Variants in LGR6 observed in about 807,000 individuals in gnomAD.
LGR6 encodes leucine-rich repeat-containing G protein-coupled receptor 6.
Under a neutral mutation model 69.4 loss-of-function variants are expected in LGR6, and 45 were observed. The observed-to-expected ratio is 0.65, with a 90% CI of 0.51 to 0.83. LGR6 has a LOEUF of 0.83. Ranked by LOEUF, LGR6 falls within the 40% of genes least tolerant of loss-of-function variation. The probability of loss-of-function intolerance (pLI) is 0.00; values close to 1 mark genes in which losing one functional copy is unlikely to be tolerated. For missense variants in LGR6, 1,108 were observed against 1,246.7 expected, an observed-to-expected ratio of 0.89 and a Z score of 1.68; for synonymous variants, 538 against 555.0, an observed-to-expected ratio of 0.97 and a Z score of 0.43.
At chr1:202,204,656 TCCAAACACACACACGCCTCCA>T (rs1659019272) in intron 1 of LGR6, among the ~76,000 whole-genome samples, 1 of 2,506 alleles carries the variant, frequency 4.0e-4, no homozygotes, top group African/African-American at 1.6e-3. Flanking sequence ...CACACACACC[TCCAAACACACACACGCCTCCA>T]AACACACACA....
At chr1:202,204,226 C>T (rs1408260670) in intron 1 of LGR6, among the ~76,000 whole-genome samples, 1 of 146,896 alleles carries the variant, frequency 6.8e-6, no homozygotes, top group African/African-American at 2.5e-5. Flanking sequence ...CACACACACA[C>T]CTCCACACAC....
intron 1 of LGR6, among the ~76,000 whole-genome samples, chr1:202,207,207 G>A (rs1659285732): frequency 6.6e-6 from 1 of 152,168 alleles, no homozygotes; most frequent in African/African-American, 2.4e-5. Flanking sequence ...GTGAGCCACT[G>A]TGCCCGGCCG....
intron 1 of LGR6, among the ~76,000 whole-genome samples, chr1:202,200,914 C>A (rs1658814540): frequency 1.3e-5 from 2 of 152,214 alleles, no homozygotes; most frequent in Non-Finnish European, 2.9e-5. Flanking sequence ...AGGCCGGCGG[C>A]TGGCGGGTTG....
chr1:202,315,852 G>GA, intron 17 of LGR6, among the ~76,000 whole-genome samples: 1 of 152,108 alleles, frequency 6.6e-6, no homozygotes, highest in Non-Finnish European at 1.5e-5. Context: ...TTCTGACTTG[G>GA]AAAAACACAC....
In LGR6 at chr1:202,303,300, C is replaced by T. The variant is rs1463965961; in HGVS notation, c.951C>T (p.Asp317=). Residue 317 remains aspartate, a synonymous_variant, in exon 10 of 18, where the codon GAC becomes GAT. Transcript: ENST00000367278. ...CCAGATCTCTGAATGGTGCCATGGA[C>T]ATCCAGGAGTTTCCAGATCTCAAAG... ...LHTLSLNGAM[D]IQEFPDLKGT... 6.2e-7 allele frequency: 1 copy of T among 1,613,928 alleles called. No individual in the cohort carries two copies. Among genetic ancestry groups the T allele is most frequent in the South Asian group, 1.1e-5 (1 of 91,064 alleles).
intron 1 of LGR6, chr1:202,196,874 A>G: frequency 2.7e-6 from 1 of 375,368 alleles, no homozygotes; most frequent in South Asian, 2.1e-5. Context: ...TGTCAGGGCA[A>G]CTCTTGATCA....
At chr1:202,203,932 G>A in intron 1 of LGR6, 1 of 1,253,034 alleles carries the variant, frequency 8.0e-7, no homozygotes. Flanking sequence ...CAGAGGGGGT[G>A]CGATTTTATT....
At chr1:202,253,106 C>T (rs528215478) in intron 4 of LGR6, among the ~76,000 whole-genome samples, 181 of 152,306 alleles carry the variant, frequency 1.2e-3, no homozygotes, top group African/African-American at 4.0e-3. Flanking sequence ...AATAGTGCTG[C>T]TTTTCTGTGA....
intron 16 of LGR6, among the ~76,000 whole-genome samples, chr1:202,313,746 A>G (rs1653924812): frequency 6.6e-6 from 1 of 152,246 alleles, no homozygotes; most frequent in African/African-American, 2.4e-5. Context: ...TGGGGGGCAC[A>G]TGTGATTATT....
Position 202,318,180 on chromosome 1 carries a change from T to TCTC in LGR6, c.1877_1878insCTC (p.Phe626_Gly627insSer). The TCTC allele has an allele frequency of 3.7e-6, 6 of 1,613,642 alleles. No homozygotes were observed. The highest frequency in any genetic ancestry group is 5.1e-6 in the Non-Finnish European group (6 of 1,180,008). ...CTAGCCTCAGTCGATGCCCTGACCT[T>TCTC]TGGTCAGTTCTCTGAGTACGGAGCC... On this transcript the variant is annotated inframe_insertion, in exon 18 of 18. Transcript: ENST00000367278.
At chr1:202,276,911 A>C (rs544526125) in intron 5 of LGR6, among the ~76,000 whole-genome samples, 2 of 152,344 alleles carry the variant, frequency 1.3e-5, no homozygotes, top group East Asian at 3.9e-4. Flanking sequence ...ATGCTTTGGC[A>C]CAGGGATGGG....
intron 5 of LGR6, among the ~76,000 whole-genome samples, chr1:202,277,091 T>G (rs777368579): frequency 2.6e-5 from 4 of 152,184 alleles, no homozygotes; most frequent in Non-Finnish European, 4.4e-5. Context: ...GCAAATTAGC[T>G]CCCAGCTAAT....
chr1:202,261,183 T>G (rs369881188), intron 4 of LGR6, among the ~76,000 whole-genome samples: 5 of 151,804 alleles, frequency 3.3e-5, no homozygotes, highest in East Asian at 1.9e-4. Context: ...GCTACACCCA[T>G]TAACTTGTCA....
chr1:202,306,813 G>T (rs761750478), intron 12 of LGR6, 55 bp from the exon 13 acceptor site: 9 of 1,511,392 alleles, frequency 6.0e-6, no homozygotes, highest in African/African-American at 1.4e-5. Flanking sequence ...GGGGGGCATG[G>T]AGCGGAGCCA....
At position 202,205,763 on chromosome 1, in the gene LGR6, ACACACCTCCAAACACATACG is replaced by A. The variant is rs1659190995; in HGVS notation, c.212+11572_212+11591del. On this transcript the variant is annotated intron_variant, in intron 1 of 17. Coordinates refer to ENST00000367278, the MANE Select transcript of LGR6 (RefSeq NM_001017403.2). ...ACACACACCTCCTTCAAATACACAC[ACACACCTCCAAACACATACG>A]CACACCTCCTTCAAACATACACACC... 3.4e-5 allele frequency among the ~76,000 whole-genome samples: 5 copies of A among 147,302 alleles called. No individual in the cohort carries two copies. In the South Asian group the frequency reaches 6.5e-4, roughly 19 times the overall value.
At position 202,269,633 on chromosome 1, in the gene LGR6, A is replaced by G. The variant is rs571602684; in HGVS notation, c.429-6673A>G. Among the ~76,000 whole-genome samples the G allele has an allele frequency of 3.3e-5, 5 of 152,292 alleles. No individual in the cohort carries two copies. The South Asian group carries it at 1.0e-3, about 32-fold the overall frequency. On this transcript the variant is annotated intron_variant, in intron 4 of 17. Transcript: ENST00000367278. ...CAGCCCTGTGGAGCCTACTTCATTC[A>G]GGCCCACCTTTCCTCATGAATTCTG...
intron 3 of LGR6, 138 bp downstream of exon 3, chr1:202,228,145 T>G: frequency 1.7e-6 from 1 of 602,842 alleles, no homozygotes. Flanking sequence ...TTTCAATTGT[T>G]ATTTCCATTT....
chr1:202,284,870 T>C (rs1482716885), intron 6 of LGR6, among the ~76,000 whole-genome samples: 1 of 152,196 alleles, frequency 6.6e-6, no homozygotes, highest in South Asian at 2.1e-4. Context: ...GTCTCACCTC[T>C]CTTGGGCCTG....
chr1:202,194,699 T>TG (rs67586351), intron 1 of LGR6: 2 of 94,688 alleles, frequency 2.1e-5, no homozygotes, highest in Admixed American at 4.1e-4. Context: ...GTGGCCTTCG[T>TG]GGGGGCGGGG....
Sources: gnomAD v4.1 joint callset for allele counts (sites outside exome capture counted in the v4.1 genomes callset) on GRCh38, gnomAD v4.1.1 for gene constraint, MANE v1.5 for transcripts, NCBI Gene and HGNC (gene_info 2026-07-23, HGNC 2026-07-21) for gene names.